Variants in PCBP3 observed in about 807,000 individuals in gnomAD.
PCBP3 encodes the protein poly(rC)-binding protein 3.
Under a neutral mutation model 52.7 loss-of-function variants are expected in PCBP3, and 25 were observed. The observed-to-expected ratio is 0.47, with a 90% CI of 0.35 to 0.66. PCBP3 has a LOEUF of 0.66. Ranked by LOEUF, PCBP3 falls within the 30% of genes least tolerant of loss-of-function variation. The probability of loss-of-function intolerance (pLI) is 0.01; values close to 1 mark genes in which losing one functional copy is unlikely to be tolerated. For missense variants in PCBP3, 391 were observed against 490.3 expected, an observed-to-expected ratio of 0.80 and a Z score of 1.91; for synonymous variants, 162 against 183.0, an observed-to-expected ratio of 0.89 and a Z score of 0.93.
chr21:45,752,536 T>C (rs1359466490), intron 3 of PCBP3, among the ~76,000 whole-genome samples: 3 of 152,138 alleles, frequency 2.0e-5, no homozygotes, highest in Non-Finnish European at 4.4e-5. Context: ...TTGTTTCTAC[T>C]GTGACTCCTT....
intron 4 of PCBP3, among the ~76,000 whole-genome samples, chr21:45,794,690 G>T (rs889169598): frequency 1.2e-4 from 18 of 152,238 alleles, no homozygotes; most frequent in African/African-American, 4.1e-4. Context: ...AGCACTTTGG[G>T]AGGCCGAGGT....
At chr21:45,822,277 T>G (rs1306156559) in intron 4 of PCBP3, among the ~76,000 whole-genome samples, 2 of 152,178 alleles carry the variant, frequency 1.3e-5, no homozygotes, top group African/African-American at 2.4e-5. Context: ...GCCTTTCCTC[T>G]GGCCGCACTG....
intron 4 of PCBP3, among the ~76,000 whole-genome samples, chr21:45,801,134 C>A (rs1383716447): frequency 6.6e-6 from 1 of 152,250 alleles, no homozygotes; most frequent in Non-Finnish European, 1.5e-5. Flanking sequence ...GCAGCACCCA[C>A]AGCCTGGCTC....
In PCBP3 at chr21:45,821,064, G is replaced by C. The variant is rs560484561; in HGVS notation, c.-125-28897G>C. 9.8e-5 allele frequency among the ~76,000 whole-genome samples: 15 copies of C among 152,332 alleles called. No individual in the cohort carries two copies. The highest frequency in any genetic ancestry group is 1.9e-4 in the Non-Finnish European group (13 of 68,016). ...AAAGCACCCTTGTCTTGCAGAGCCA[G>C]CGAGCCTGGCGTTGTGACCTGGGCT... On this transcript the variant is annotated intron_variant, in intron 4 of 17. Transcript: ENST00000681687. The surrounding 1 kb of genome is among the most constrained non-coding windows in gnomAD (Gnocchi z 4.4).
rs1194045224 is a variant in PCBP3, at chr21:45,693,898, T to C, written c.-200+24946T>C. 2.6e-5 allele frequency among the ~76,000 whole-genome samples: 4 copies of C among 152,144 alleles called. No individual in the cohort carries two copies. In the South Asian group the frequency reaches 8.3e-4, roughly 31 times the overall value. On this transcript the variant is annotated intron_variant, in intron 2 of 17. Transcript: ENST00000681687. ...TGAACAAATATTTTAAGATACTTAC[T>C]GCTTAAAACAGAAATAATGTCATAT...
chr21:45,870,346 C>T (rs547862927), intron 5 of PCBP3, among the ~76,000 whole-genome samples: 11 of 152,314 alleles, frequency 7.2e-5, no homozygotes, highest in African/African-American at 2.6e-4. Flanking sequence ...CTAATTTTAG[C>T]TTATTTTCCT....
intron 5 of PCBP3, among the ~76,000 whole-genome samples, chr21:45,857,919 G>A (rs2094363979): frequency 6.6e-6 from 1 of 152,150 alleles, no homozygotes; most frequent in South Asian, 2.1e-4. Flanking sequence ...CAGTGTTGAC[G>A]GAGGTGTCGT....
At chr21:45,869,551 C>T (rs565475069) in intron 5 of PCBP3, among the ~76,000 whole-genome samples, 1 of 152,320 alleles carries the variant, frequency 6.6e-6, no homozygotes, top group East Asian at 1.9e-4. Flanking sequence ...TGCTCCTGCT[C>T]CTGCTCCTCT....
chr21:45,776,273 C>A (rs954005639), intron 4 of PCBP3, among the ~76,000 whole-genome samples: 1 of 152,100 alleles, frequency 6.6e-6, no homozygotes, highest in Non-Finnish European at 1.5e-5. Flanking sequence ...AATGAATATT[C>A]TGAAGTTGTT....
chr21:45,880,527 G>T lies in PCBP3; in HGVS notation c.11-15681G>T, dbSNP rs554919004. Among the ~76,000 whole-genome samples the T allele has an allele frequency of 3.9e-5, 6 of 152,234 alleles. No homozygotes were observed. Among genetic ancestry groups the T allele is most frequent in the Non-Finnish European group, 8.8e-5 (6 of 68,042 alleles). On this transcript the variant is annotated intron_variant, in intron 5 of 17. Transcript: ENST00000681687. The surrounding 1 kb of genome is among the most constrained non-coding windows in gnomAD (Gnocchi z 5.4). ...GAATTTCAGAACGTTCCACGAGGCC[G>T]TGGAAATTGAGCTGGGCTCAGTGCT... is the stretch of plus-strand genomic sequence containing the variant.
chr21:45,932,186 C>T (rs1052411688), intron 15 of PCBP3, among the ~76,000 whole-genome samples: 2 of 151,636 alleles, frequency 1.3e-5, no homozygotes, highest in African/African-American at 2.4e-5. Flanking sequence ...CCATGCCGTC[C>T]CGAGATGAAT....
intron 4 of PCBP3, among the ~76,000 whole-genome samples, chr21:45,790,284 C>A (rs2091452519): frequency 6.6e-6 from 1 of 152,120 alleles, no homozygotes. Context: ...AAGGTAGGAC[C>A]TTCAAACAGA....
At chr21:45,903,506 G>A (rs991485946) in intron 9 of PCBP3, among the ~76,000 whole-genome samples, 1 of 152,078 alleles carries the variant, frequency 6.6e-6, no homozygotes, top group African/African-American at 2.4e-5. Context: ...GTGCATCCCT[G>A]GGGCCTGGTG....
chr21:45,938,618 TTGGGAGATGTGGGTGGGGTC>T (rs1211435893), intron 16 of PCBP3, among the ~76,000 whole-genome samples: 3 of 152,032 alleles, frequency 2.0e-5, no homozygotes, highest in Non-Finnish European at 4.4e-5. Context: ...GGGTGGGGCC[TTGGGAGATGTGGGTGGGGTC>T]TGGGAGATGT....
Position 45,754,385 on chromosome 21 carries a change from G to T in PCBP3, c.-161-1032G>T, listed in dbSNP as rs536286532. On this transcript the variant is annotated intron_variant, in intron 3 of 17. Coordinates refer to ENST00000681687, the MANE Select transcript of PCBP3 (RefSeq NM_001384156.1). ...GTATCTTTGCCAGTACAGTTTTTTT[G>T]ATTTTGGTGATTAATCTCAGCGTCT... is the stretch of plus-strand genomic sequence containing the variant. Among the ~76,000 whole-genome samples the T allele has an allele frequency of 7.9e-5, 12 of 152,174 alleles. No homozygotes were observed. The East Asian group carries it at 9.7e-4, about 12-fold the overall frequency.
At chr21:45,679,011 C>T (rs910014482) in intron 2 of PCBP3, among the ~76,000 whole-genome samples, 1 of 151,910 alleles carries the variant, frequency 6.6e-6, no homozygotes, top group Non-Finnish European at 1.5e-5. Context: ...CAGCAGCCAC[C>T]AACATCCAGG....
In PCBP3 at chr21:45,880,609, A is replaced by G. The variant is rs2095378431; in HGVS notation, c.11-15599A>G. ...ATACTGCGCCCCCTTGTGGGCCAAGAGTGGTGCTGGGAACTGGGGATTCAG... is the reference window on the plus strand; with the variant it reads ...ATACTGCGCCCCCTTGTGGGCCAAGGGTGGTGCTGGGAACTGGGGATTCAG... On this transcript the variant is annotated intron_variant, in intron 5 of 17. Coordinates refer to ENST00000681687, the MANE Select transcript of PCBP3 (RefSeq NM_001384156.1). This position sits in a 1 kb window ranked among gnomAD's most constrained non-coding sequence, Gnocchi z 5.4. 6.6e-6 allele frequency among the ~76,000 whole-genome samples: 1 copy of G among 151,868 alleles called. No individual in the cohort carries two copies. Among genetic ancestry groups the G allele is most frequent in the African/African-American group, 2.4e-5 (1 of 41,302 alleles).
chr21:45,784,393 TACC>T lies in PCBP3; in HGVS notation c.-126+28942_-126+28944del, dbSNP rs1182461499. On this transcript the variant is annotated intron_variant, in intron 4 of 17. Transcript: ENST00000681687. ...CTACCTCTACCTCTACCTCTACCTC[TACC>T]GCTACCTCTACCGCTACCGCTACCC... is the stretch of plus-strand genomic sequence containing the variant. 1.9e-3 allele frequency among the ~76,000 whole-genome samples: 218 copies of T among 114,720 alleles called. 1 individual carries two copies. The highest frequency in any genetic ancestry group is 0.013 in the Middle Eastern group (2 of 160). The allele number at this position is 114,720 out of a possible 152,430, so 75.3% of individuals were successfully genotyped here.
intron 4 of PCBP3, among the ~76,000 whole-genome samples, chr21:45,819,234 C>T (rs1036688219): frequency 2.6e-5 from 4 of 151,464 alleles, no homozygotes; most frequent in Admixed American, 6.6e-5. Context: ...GGGGATGGGC[C>T]GTGGGGGATG....
Sources: gnomAD v4.1 joint callset for allele counts (sites outside exome capture counted in the v4.1 genomes callset) on GRCh38, gnomAD v4.1.1 for gene constraint, Gnocchi (gnomAD v3.1) non-coding constraint, MANE v1.5 for transcripts, NCBI Gene and HGNC (gene_info 2026-07-23, HGNC 2026-07-21) for gene names.